The following PCCA variants were observed in gnomAD, a reference collection of about 807,000 sequenced individuals.
PCCA encodes the protein propionyl-CoA carboxylase subunit alpha.
Under a neutral mutation model 101.3 loss-of-function variants are expected in PCCA, and 74 were observed. That is an observed-to-expected ratio of 0.73 (90% CI 0.61 to 0.89). PCCA has a LOEUF of 0.89. Among genes scored for constraint, PCCA ranks in the 40% least tolerant of loss-of-function variants. The pLI, the probability that PCCA is intolerant of heterozygous loss-of-function variation, is 0.00. For synonymous variants in PCCA, 294 were observed against 313.6 expected, an observed-to-expected ratio of 0.94 and a Z score of 0.66; for missense variants, 891 against 907.0, an observed-to-expected ratio of 0.98 and a Z score of 0.23.
At chr13:100,363,883 G>A (rs1426026633) in intron 18 of PCCA, among the ~76,000 whole-genome samples, 1 of 152,134 alleles carries the variant, frequency 6.6e-6, no homozygotes, top group East Asian at 1.9e-4. Context: ...ACCCTTTTGA[G>A]TAAAATATTC....
intron 4 of PCCA, among the ~76,000 whole-genome samples, chr13:100,112,666 T>C (rs895628290): frequency 3.5e-5 from 5 of 144,458 alleles, no homozygotes; most frequent in Admixed American, 7.2e-5. Context: ...AACCTCTGCC[T>C]CCTGGGTTCA....
At chr13:100,173,557 T>C (rs546593067) in intron 6 of PCCA, among the ~76,000 whole-genome samples, 166 of 152,252 alleles carry the variant, frequency 1.1e-3, no homozygotes, top group African/African-American at 3.9e-3. Context: ...TCTCAGGAAA[T>C]TACCTGGATA....
intron 1 of PCCA, among the ~76,000 whole-genome samples, chr13:100,092,191 C>T (rs1167553041): frequency 1.3e-5 from 2 of 152,138 alleles, no homozygotes; most frequent in Non-Finnish European, 2.9e-5. Flanking sequence ...CTTGGAATTA[C>T]AGGCATGAGC....
At chr13:100,259,484 G>A (rs1237446033) in intron 9 of PCCA, among the ~76,000 whole-genome samples, 17 of 151,480 alleles carry the variant, frequency 1.1e-4, no homozygotes, top group Admixed American at 6.6e-4. Flanking sequence ...ACAGCTGCAC[G>A]CCACCACACC....
At chr13:100,205,983 A>G (rs1045119960) in intron 6 of PCCA, among the ~76,000 whole-genome samples, 1 of 152,186 alleles carries the variant, frequency 6.6e-6, no homozygotes, top group Non-Finnish European at 1.5e-5. Context: ...ATAGAGGTGT[A>G]GGCTTACCTC....
At chr13:100,260,086 CTATATTTTTTCT>C (rs2152561689) in intron 9 of PCCA, among the ~76,000 whole-genome samples, 1 of 152,130 alleles carries the variant, frequency 6.6e-6, no homozygotes, top group South Asian at 2.1e-4. Context: ...CTGTAAAGTG[CTATATTTTTTCT>C]TTCTGTTATT....
intron 20 of PCCA, among the ~76,000 whole-genome samples, chr13:100,443,416 C>T (rs1461892478): frequency 6.7e-6 from 1 of 150,242 alleles, no homozygotes; most frequent in African/African-American, 2.5e-5. Context: ...CATGCCACTG[C>T]ACTCCAGCCT....
At chr13:100,148,565 C>G (rs61971665) in intron 4 of PCCA, among the ~76,000 whole-genome samples, 50,510 of 151,922 alleles carry the variant, frequency 0.33, 9,363 homozygotes, top group East Asian at 0.72. Context: ...CTCCCCTTCT[C>G]CCTTGATGCT....
chr13:100,392,462 A>T (rs910004647), intron 19 of PCCA, among the ~76,000 whole-genome samples: 1 of 152,184 alleles, frequency 6.6e-6, no homozygotes, highest in East Asian at 1.9e-4. Context: ...TAAATTTAGC[A>T]CCTAGGAAAT....
intron 21 of PCCA, among the ~76,000 whole-genome samples, chr13:100,506,031 C>T (rs2086049057): frequency 6.6e-6 from 1 of 152,174 alleles, no homozygotes; most frequent in Admixed American, 6.5e-5. Context: ...CCTGTATTAG[C>T]TTGATTTTAG....
chr13:100,464,744 T>C (rs1418419855), intron 21 of PCCA, among the ~76,000 whole-genome samples: 1 of 152,220 alleles, frequency 6.6e-6, no homozygotes, highest in Non-Finnish European at 1.5e-5. Flanking sequence ...AAAACATCTG[T>C]TTCCTTGAAG....
At position 100,102,914 on chromosome 13, in the gene PCCA, T is replaced by C; in HGVS notation, c.137T>C (p.Met46Thr). ...CTGTACTATTCAAGACAGTGCTTAATGGTGTCCCGTAATCTTGGTTCAGTG... is the reference window on the plus strand; with the variant it reads ...CTGTACTATTCAAGACAGTGCTTAACGGTGTCCCGTAATCTTGGTTCAGTG... Reference protein sequence around the residue: ...HVLYYSRQCLMVSRNLGSVGY... With the variant: ...HVLYYSRQCLTVSRNLGSVGY... Residue 46 changes from methionine (M) to threonine (T), a missense_variant, in exon 2 of 24, where the codon ATG becomes ACG. Transcript: ENST00000376285. The C allele has an allele frequency of 6.2e-7, 1 of 1,612,548 alleles. No individual in the cohort carries two copies. Among genetic ancestry groups the C allele is most frequent in the Middle Eastern group, 1.7e-4 (1 of 6,058 alleles).
chr13:100,256,083 C>T (rs1439465984), intron 8 of PCCA, among the ~76,000 whole-genome samples: 1 of 152,148 alleles, frequency 6.6e-6, no homozygotes, highest in Non-Finnish European at 1.5e-5. Context: ...TCTTGGCTCA[C>T]TGCAATCTCC....
intron 8 of PCCA, among the ~76,000 whole-genome samples, chr13:100,249,005 C>T (rs1001462830): frequency 1.3e-5 from 2 of 152,086 alleles, no homozygotes; most frequent in Non-Finnish European, 2.9e-5. Flanking sequence ...CTGCCCACCT[C>T]GGCCTCCCAA....
chr13:100,365,363 G>A (rs1004428944), intron 18 of PCCA, among the ~76,000 whole-genome samples: 2 of 152,154 alleles, frequency 1.3e-5, no homozygotes, highest in Non-Finnish European at 2.9e-5. Flanking sequence ...TTTGGAGAGT[G>A]GCAACTGTAT....
intron 17 of PCCA, among the ~76,000 whole-genome samples, chr13:100,331,324 A>G (rs192149238): frequency 7.9e-5 from 12 of 152,322 alleles, no homozygotes; most frequent in Admixed American, 2.0e-4. Flanking sequence ...CTTAATAGAA[A>G]TGTTACTCAG....
At chr13:100,089,645 C>A (rs1321341258) in intron 1 of PCCA, among the ~76,000 whole-genome samples, 1 of 152,208 alleles carries the variant, frequency 6.6e-6, no homozygotes, top group African/African-American at 2.4e-5. Flanking sequence ...TTTGAAGGGA[C>A]ACTGTGAACT....
chr13:100,213,954 TC>T (rs2059371766), intron 7 of PCCA, among the ~76,000 whole-genome samples: 1 of 152,220 alleles, frequency 6.6e-6, no homozygotes. Context: ...CATCTGGTTA[TC>T]CGGTTCTCCG....
intron 12 of PCCA, among the ~76,000 whole-genome samples, chr13:100,287,506 T>C (rs1310272507): frequency 6.6e-6 from 1 of 152,144 alleles, no homozygotes; most frequent in Admixed American, 6.5e-5. Context: ...GAAAAACATT[T>C]ATATTTTTGT....
Sources: allele counts gnomAD v4.1 joint callset (sites outside exome capture counted in the v4.1 genomes callset), GRCh38; gene constraint gnomAD v4.1.1; transcripts MANE v1.5; gene names NCBI Gene and HGNC (gene_info 2026-07-23, HGNC 2026-07-21).